TENM2: variants seen among roughly 807,000 people sequenced by gnomAD.
TENM2 encodes teneurin transmembrane protein 2.
A neutral mutation model predicts 245.2 loss-of-function variants in TENM2; 52 were observed. That is an observed-to-expected ratio of 0.21 (90% CI 0.17 to 0.27). The LOEUF (loss-of-function observed/expected upper bound fraction) is 0.27. TENM2 is among the 10% of genes least tolerant of loss of function. The pLI is 1.00. For synonymous variants in TENM2, 1,363 were observed against 1,438.9 expected (o/e 0.95, Z 1.19); for missense variants, 3,046 against 3,666.8 (o/e 0.83, Z 4.37).
chr5:167,889,900 A>G (rs1774609961), intron 3 of TENM2, among the ~76,000 whole-genome samples: 2 of 152,134 alleles, frequency 1.3e-5, no homozygotes, highest in Non-Finnish European at 2.9e-5. Context: ...GGGAGGGGAA[A>G]AAGTCATATT....
At chr5:167,321,801 T>TTTTTGGTGGG (rs67957514) in intron 1 of TENM2, among the ~76,000 whole-genome samples, 1 of 7,282 alleles carries the variant, frequency 1.4e-4, no homozygotes, top group Admixed American at 1.7e-3. Context: ...TTTTTTTTTT[T>TTTTTGGTGGG]GGGGGGGGGG....
At chr5:167,461,214 T>G (rs1030497442) in intron 2 of TENM2, among the ~76,000 whole-genome samples, 1 of 152,114 alleles carries the variant, frequency 6.6e-6, no homozygotes, top group Non-Finnish European at 1.5e-5. Context: ...CCCAGAAAGT[T>G]GAGCTCTTTT....
At chr5:168,097,920 C>T in intron 8 of TENM2, 106 bp from the exon 11 acceptor site, 3 of 750,376 alleles carry the variant, frequency 4.0e-6, no homozygotes, top group Non-Finnish European at 6.9e-6. Context: ...TGACAGGCAT[C>T]TGAGATTACT....
chr5:168,139,009 C>G (rs1004309866), intron 12 of TENM2, among the ~76,000 whole-genome samples: 5 of 152,230 alleles, frequency 3.3e-5, no homozygotes, highest in African/African-American at 1.2e-4. Context: ...CCAAGACACC[C>G]TTCTCACTGT....
the TENM2 span, among the ~76,000 whole-genome samples, chr5:167,115,569 A>T: frequency 6.6e-6 from 1 of 152,196 alleles, no homozygotes; most frequent in Non-Finnish European, 1.5e-5. Context: ...ACTCATTGAA[A>T]TTCACCTCCT....
Position 168,218,013 on chromosome 5 carries a change from G to T in TENM2, c.4234-112G>T. The T allele has an allele frequency of 8.8e-7, 1 of 1,138,436 alleles. No individual in the cohort carries two copies. Among genetic ancestry groups the T allele is most frequent in the Admixed American group, 2.4e-5 (1 of 41,554 alleles). 70.5% of individuals were successfully genotyped at this position (1,138,436 alleles called of 1,614,324 possible). A position where few individuals can be genotyped will look rare whatever the true frequency, so the allele number is the denominator to read the frequency against. The stretch of plus-strand genomic sequence containing the variant: ...ATGAAGAGCATTTCTAATACAATGT[G>T]TTATTAAAAAGCTGTCTTTTTTCCT... On this transcript the variant is annotated intron_variant, in intron 22 of 28. Transcript: ENST00000518659. This position sits in a 1 kb window ranked among gnomAD's most constrained non-coding sequence, Gnocchi z 5.2.
chr5:167,983,661 G>T (rs1783014984), intron 4 of TENM2, among the ~76,000 whole-genome samples: 1 of 152,122 alleles, frequency 6.6e-6, no homozygotes, highest in Non-Finnish European at 1.5e-5. Flanking sequence ...TGGGTTATTG[G>T]CTTCTTGTTT....
chr5:167,403,758 T>C (rs1019237523), intron 2 of TENM2, among the ~76,000 whole-genome samples: 2 of 152,094 alleles, frequency 1.3e-5, no homozygotes, highest in African/African-American at 4.8e-5. Flanking sequence ...ATGTGATAAA[T>C]TATTCTGAAG....
intron 1 of TENM2, among the ~76,000 whole-genome samples, chr5:167,306,856 A>G (rs1755709933): frequency 6.6e-6 from 1 of 152,226 alleles, no homozygotes; most frequent in Admixed American, 6.5e-5. Context: ...CTGAATATTA[A>G]CTGTATGCCT....
intron 2 of TENM2, among the ~76,000 whole-genome samples, chr5:167,533,035 G>C (rs1194984688): frequency 6.6e-6 from 1 of 152,030 alleles, no homozygotes; most frequent in Non-Finnish European, 1.5e-5. Flanking sequence ...AAATTACAAT[G>C]ACCTGATTTG....
chr5:168,123,757 T>C (rs146504428), intron 10 of TENM2, among the ~76,000 whole-genome samples: 97 of 152,354 alleles, frequency 6.4e-4, no homozygotes, highest in Middle Eastern at 3.4e-3. Flanking sequence ...CACAAAGCCA[T>C]ATCTGAGCCC....
chr5:167,251,186 G>T, the TENM2 span, among the ~76,000 whole-genome samples: 1 of 152,112 alleles, frequency 6.6e-6, no homozygotes, highest in African/African-American at 2.4e-5. Flanking sequence ...TTGATTCCAA[G>T]GTCCAGCTTT....
At chr5:168,016,209 T>C (rs972432000) in intron 5 of TENM2, among the ~76,000 whole-genome samples, 1 of 152,210 alleles carries the variant, frequency 6.6e-6, no homozygotes, top group African/African-American at 2.4e-5. Context: ...ATGAGGACAC[T>C]GAGGCTTACG....
At chr5:168,246,003 C>A (rs1269588055) in intron 26 of TENM2, among the ~76,000 whole-genome samples, 1 of 152,004 alleles carries the variant, frequency 6.6e-6, no homozygotes, top group Non-Finnish European at 1.5e-5. Flanking sequence ...GAGGCCGAGG[C>A]GGGCTGATCA....
At chr5:168,050,340 T>C (rs892047769) in intron 6 of TENM2, among the ~76,000 whole-genome samples, 1 of 152,218 alleles carries the variant, frequency 6.6e-6, no homozygotes, top group Admixed American at 6.5e-5. Flanking sequence ...TTTGAATTTG[T>C]ATACCCAGTG....
At chr5:168,215,190 G>T (rs757617836) in exon 21 of TENM2, 2 of 1,613,768 alleles carry the variant, frequency 1.2e-6, no homozygotes, top group African/African-American at 2.7e-5. Flanking sequence ...TGGCAGGGAC[G>T]GGAGAGCAGT....
intron 2 of TENM2, among the ~76,000 whole-genome samples, chr5:167,813,070 T>C (rs1766757827): frequency 6.6e-6 from 1 of 152,160 alleles, no homozygotes; most frequent in Admixed American, 6.6e-5. Context: ...GGGCAGCTGC[T>C]GGAAATACAA....
chr5:167,662,447 G>A (rs1347724174), intron 2 of TENM2, among the ~76,000 whole-genome samples: 2 of 152,210 alleles, frequency 1.3e-5, no homozygotes, highest in East Asian at 1.9e-4. Flanking sequence ...ACTGGATCGT[G>A]GGGATTCTTT....
intron 2 of TENM2, among the ~76,000 whole-genome samples, chr5:167,597,456 A>G (rs1223861341): frequency 6.6e-6 from 1 of 152,148 alleles, no homozygotes; most frequent in East Asian, 1.9e-4. Flanking sequence ...GGCTGGGATT[A>G]CAGGCGTGAG....
Sources: allele counts gnomAD v4.1 joint callset (sites outside exome capture counted in the v4.1 genomes callset), GRCh38; gene constraint gnomAD v4.1.1; non-coding constraint Gnocchi (gnomAD v3.1); transcripts MANE v1.5; gene names NCBI Gene and HGNC (gene_info 2026-07-23, HGNC 2026-07-21).